The following CCDC63 variants were observed in gnomAD, a reference collection of about 807,000 sequenced individuals.
CCDC63 encodes coiled-coil domain containing 63.
A neutral mutation model predicts 63.6 loss-of-function variants in CCDC63; 54 were observed. The observed-to-expected ratio is 0.85, with a 90% CI of 0.68 to 1.07. CCDC63 has a LOEUF of 1.07. Among genes scored for constraint, CCDC63 ranks in the 50% least tolerant of loss-of-function variants. The pLI, the probability that CCDC63 is intolerant of heterozygous loss-of-function variation, is 0.00. For missense variants in CCDC63, 637 were observed against 689.6 expected (o/e 0.92, Z 0.86); for synonymous variants, 253 against 266.1 (o/e 0.95, Z 0.48).
chr12:110,858,913 T>C, intron 4 of CCDC63, 138 bp downstream of exon 4: 1 of 677,804 alleles, frequency 1.5e-6, no homozygotes. Context: ...TAAATGTGAC[T>C]GCTGCTATCG....
At chr12:110,860,138 A>G (rs1241800416) in intron 4 of CCDC63, among the ~76,000 whole-genome samples, 1 of 152,250 alleles carries the variant, frequency 6.6e-6, no homozygotes, top group Non-Finnish European at 1.5e-5. Context: ...AGGGTTCGCA[A>G]CAGCGGGGGA....
At chr12:110,873,800 A>T in intron 4 of CCDC63, 42 bp from the exon 5 acceptor site, 1 of 1,607,664 alleles carries the variant, frequency 6.2e-7, no homozygotes, top group Non-Finnish European at 8.5e-7. Flanking sequence ...ACCCATACAG[A>T]TGCTAACACA....
At chr12:110,881,361 C>T in intron 7 of CCDC63, 65 bp downstream of exon 7, 1 of 1,509,690 alleles carries the variant, frequency 6.6e-7, no homozygotes, top group Non-Finnish European at 9.0e-7. Flanking sequence ...CTCTCTTTCT[C>T]TCTTTTTAAG....
Position 110,907,233 on chromosome 12 carries a change from C to A in CCDC63, c.1547-98C>A. The A allele has an allele frequency of 8.6e-7, 1 of 1,163,642 alleles. No individual in the cohort carries two copies. 72.1% of individuals were successfully genotyped at this position (1,163,642 alleles called of 1,614,324 possible). Reference sequence around the variant, plus strand: ...TCCTTGAAACCTGAGAATTTCCATGCTCCACTCCCCAGTGCTATGGAGGGA... The same window carrying A: ...TCCTTGAAACCTGAGAATTTCCATGATCCACTCCCCAGTGCTATGGAGGGA... On this transcript the variant is annotated intron_variant, in intron 11 of 11. Transcript: ENST00000308208. The surrounding 1 kb of genome is among the most constrained non-coding windows in gnomAD (Gnocchi z 4.4).
At chr12:110,864,762 G>A (rs1038269697) in intron 4 of CCDC63, among the ~76,000 whole-genome samples, 2 of 152,078 alleles carry the variant, frequency 1.3e-5, no homozygotes, top group Non-Finnish European at 2.9e-5. Flanking sequence ...GACCAGTGAT[G>A]CTCTATCCCC....
intron 11 of CCDC63, among the ~76,000 whole-genome samples, chr12:110,906,234 C>T (rs1458701847): frequency 7.3e-6 from 1 of 136,470 alleles, no homozygotes; most frequent in African/African-American, 2.8e-5. Flanking sequence ...GACAGCACTT[C>T]ACAACCCTGA....
intron 9 of CCDC63, among the ~76,000 whole-genome samples, chr12:110,896,867 CA>C (rs2071421504): frequency 1.3e-5 from 2 of 152,200 alleles, no homozygotes; most frequent in Non-Finnish European, 2.9e-5. Context: ...GCACCAGGAT[CA>C]CCGGGAGGCT....
At position 110,879,939 on chromosome 12, in the gene CCDC63, A is replaced by G; in HGVS notation, c.523A>G (p.Asn175Asp). Reference sequence around the variant, plus strand: ...TCACTTTGACAAGATGCTGACCACTAATGCCAAGCTCCGGAAGGAGATTGA... The same window carrying G: ...TCACTTTGACAAGATGCTGACCACTGATGCCAAGCTCCGGAAGGAGATTGA... ...TVHFDKMLTT[N>D]AKLRKEIEDL... is the part of the protein sequence containing the mutation. The change falls in exon 6 of 12, where the codon AAT becomes GAT. Residue 175 changes from asparagine (N) to aspartate (D), a missense_variant. Transcript: ENST00000308208. The G allele has an allele frequency of 6.2e-7, 1 of 1,614,172 alleles. No individual in the cohort carries two copies. Among genetic ancestry groups the G allele is most frequent in the Admixed American group, 1.7e-5 (1 of 60,024 alleles).
intron 11 of CCDC63, among the ~76,000 whole-genome samples, chr12:110,905,245 C>T (rs1592793316): frequency 1.3e-5 from 2 of 152,046 alleles, no homozygotes; most frequent in Admixed American, 1.3e-4. Flanking sequence ...TGGCCCCTCC[C>T]CATTTTTGTC....
intron 4 of CCDC63, among the ~76,000 whole-genome samples, chr12:110,860,862 G>T (rs1352410903): frequency 6.6e-6 from 1 of 152,204 alleles, no homozygotes; most frequent in Non-Finnish European, 1.5e-5. Context: ...GTGCTGGGAT[G>T]ACAGGCGTGA....
chr12:110,880,115 C>T (rs543393371), intron 6 of CCDC63, 28 bp downstream of exon 6: 139 of 1,603,640 alleles, frequency 8.7e-5, no homozygotes, highest in Non-Finnish European at 9.3e-5. Flanking sequence ...CCAGGGGCAG[C>T]GAGGTCTCTT....
intron 3 of CCDC63, among the ~76,000 whole-genome samples, chr12:110,857,023 G>T (rs542831034): frequency 2.2e-4 from 34 of 151,212 alleles, no homozygotes; most frequent in Middle Eastern, 3.4e-3. Context: ...CAGGCTGGTC[G>T]CAAACTCCTG....
At chr12:110,883,895 T>C (rs985624324) in intron 7 of CCDC63, 135 bp from the exon 8 acceptor site, 6 of 727,746 alleles carry the variant, frequency 8.2e-6, no homozygotes, top group African/African-American at 5.2e-5. Context: ...CTGCCTCGGC[T>C]TCCCAAAGTG....
intron 6 of CCDC63, 26 bp downstream of exon 6, chr12:110,880,113 A>T (rs371790991): frequency 3.0e-5 from 48 of 1,606,166 alleles, no homozygotes; most frequent in Non-Finnish European, 3.8e-5. Context: ...GTCCAGGGGC[A>T]GCGAGGTCTC....
chr12:110,890,773 CTT>C (rs769120162), intron 8 of CCDC63, among the ~76,000 whole-genome samples: 2 of 98,398 alleles, frequency 2.0e-5, no homozygotes, highest in Admixed American at 1.2e-4. Flanking sequence ...TCCTCCTTTT[CTT>C]TTTTTTTTTT....
Position 110,889,404 on chromosome 12 carries a change from C to T in CCDC63, c.1075-3672C>T, listed in dbSNP as rs143654031. ...AAAGATGAAGTCGCACAGCGTAAGA[C>T]GGGTTTTGGAGCCGGTTGGGGCCCC... On this transcript the variant is annotated intron_variant, in intron 8 of 11. Transcript: ENST00000308208. The surrounding 1 kb of genome is among the most constrained non-coding windows in gnomAD (Gnocchi z 4.1). Among the ~76,000 whole-genome samples, 13 of 152,212 alleles carry T rather than the reference C, an allele frequency of 8.5e-5. No individual in the cohort carries two copies. The highest frequency in any genetic ancestry group is 4.6e-4 in the Admixed American group (7 of 15,282).
In CCDC63 at chr12:110,853,386, T is replaced by A. The variant is rs1367511378; in HGVS notation, c.10-19T>A. 1.2e-6 allele frequency: 2 copies of A among 1,602,646 alleles called. No homozygotes were observed. The highest frequency in any genetic ancestry group is 1.7e-5 in the Admixed American group (1 of 57,172). On this transcript the variant is annotated intron_variant, in intron 2 of 11. Transcript: ENST00000308208. ...CACCTGGCCCACTACGGCCTCCCACTCCTCTCCATCTCCCCCAGTTGAAGA... is the reference window on the plus strand; with the variant it reads ...CACCTGGCCCACTACGGCCTCCCACACCTCTCCATCTCCCCCAGTTGAAGA...
chr12:110,859,395 T>G (rs1317302627), intron 4 of CCDC63, among the ~76,000 whole-genome samples: 1 of 151,976 alleles, frequency 6.6e-6, no homozygotes, highest in Non-Finnish European at 1.5e-5. Flanking sequence ...CAACCTCTGC[T>G]TCCTGGGTTC....
chr12:110,870,945 C>T (rs2071057703), intron 4 of CCDC63, among the ~76,000 whole-genome samples: 1 of 152,122 alleles, frequency 6.6e-6, no homozygotes, highest in South Asian at 2.1e-4. Flanking sequence ...CACCTCCGTC[C>T]CTGGTGATGG....
Sources: allele counts gnomAD v4.1 joint callset (sites outside exome capture counted in the v4.1 genomes callset), GRCh38; gene constraint gnomAD v4.1.1; non-coding constraint Gnocchi (gnomAD v3.1); transcripts MANE v1.5; gene names NCBI Gene and HGNC (gene_info 2026-07-23, HGNC 2026-07-21).